CNGB3: variants seen among roughly 807,000 people sequenced by gnomAD.
The protein encoded by CNGB3 is cyclic nucleotide-gated channel beta-3.
In CNGB3, 86 loss-of-function variants were observed where a neutral mutation model predicts 92.8. The ratio of observed to expected loss-of-function variants is 0.93; its 90% confidence interval spans 0.78 to 1.11. The LOEUF is 1.11. CNGB3 is among the 50% of genes least tolerant of loss of function. CNGB3 has a pLI of 0.00. For missense variants in CNGB3, 1,026 were observed against 956.8 expected, an observed-to-expected ratio of 1.07 and a Z score of -0.95; for synonymous variants, 333 against 332.7, an observed-to-expected ratio of 1.00 and a Z score of -0.01.
chr8:86,725,271 T>C (rs1234811248), intron 3 of CNGB3, among the ~76,000 whole-genome samples: 1 of 152,148 alleles, frequency 6.6e-6, no homozygotes, highest in African/African-American at 2.4e-5. Flanking sequence ...TCTTTTGTAG[T>C]CTAATATTAG....
chr8:86,650,407 T>C (rs1823380168), intron 7 of CNGB3, among the ~76,000 whole-genome samples: 1 of 150,596 alleles, frequency 6.6e-6, no homozygotes, highest in South Asian at 2.1e-4. Context: ...AGGAAAAGAG[T>C]CATTATATGA....
chr8:86,652,485 T>C (rs1357595924), intron 7 of CNGB3, among the ~76,000 whole-genome samples: 2 of 152,184 alleles, frequency 1.3e-5, no homozygotes, highest in South Asian at 2.1e-4. Context: ...TTTACTCTTT[T>C]GTAATAACAC....
At chr8:86,631,376 A>C (rs943111933) in intron 11 of CNGB3, among the ~76,000 whole-genome samples, 1 of 152,180 alleles carries the variant, frequency 6.6e-6, no homozygotes, top group Non-Finnish European at 1.5e-5. Context: ...GCACATAGTA[A>C]GTGCTCAATA....
At chr8:86,739,620 G>GTTTTT in intron 2 of CNGB3, 35 bp downstream of exon 2, 112 of 1,488,198 alleles carry the variant, frequency 7.5e-5, no homozygotes, top group South Asian at 3.0e-4. Flanking sequence ...TCACTTTTTA[G>GTTTTT]TTTTTTTTTT....
At chr8:86,659,330 C>A in intron 6 of CNGB3, 1 of 1,167,512 alleles carries the variant, frequency 8.6e-7, no homozygotes, top group Non-Finnish European at 1.3e-6. Context: ...CCTCCATGGC[C>A]TGCTGTAACT....
At chr8:86,581,548 A>G (rs905299992) in intron 15 of CNGB3, among the ~76,000 whole-genome samples, 6 of 152,200 alleles carry the variant, frequency 3.9e-5, no homozygotes, top group African/African-American at 1.4e-4. Flanking sequence ...AGAGAAAAAT[A>G]CTTTACCAGA....
At chr8:86,632,981 T>G in intron 10 of CNGB3, 88 bp from the exon 11 acceptor site, 1 of 1,231,684 alleles carries the variant, frequency 8.1e-7, no homozygotes, top group Non-Finnish European at 1.2e-6. Context: ...TATTAAATTA[T>G]AACAAATTTC....
rs1821731008 is a variant in CNGB3 at position 86,579,935 on chromosome 8, T to C, written c.1782-683A>G. On this transcript the variant is annotated intron_variant, in intron 15 of 17. Transcript: ENST00000320005. ...TAAATTTGAGATGCATTGCCACCTT[T>C]TGTTGGTGTAGTAGTCCATTTTCAC... is the stretch of plus-strand genomic sequence containing the variant. 2.6e-5 allele frequency among the ~76,000 whole-genome samples: 4 copies of C among 152,174 alleles called. No homozygotes were observed. In the South Asian group the frequency reaches 8.3e-4, roughly 32 times the overall value.
chr8:86,688,148 G>A (rs544857096), intron 3 of CNGB3, among the ~76,000 whole-genome samples: 2 of 152,108 alleles, frequency 1.3e-5, no homozygotes, highest in South Asian at 4.1e-4. Flanking sequence ...TGGGAGCTAA[G>A]AGAGGACCAC....
At chr8:86,594,580 C>T in intron 15 of CNGB3, 1 of 288,028 alleles carries the variant, frequency 3.5e-6, no homozygotes, top group South Asian at 3.5e-5. Flanking sequence ...CCACTGTCAC[C>T]TTCACCCTGA....
intron 6 of CNGB3, chr8:86,657,730 C>CCTGCAGCTG: frequency 4.3e-6 from 2 of 467,260 alleles, no homozygotes; most frequent in Admixed American, 5.0e-5. Flanking sequence ...AACACCAGCT[C>CCTGCAGCTG]CTGCAGCTCC....
intron 3 of CNGB3, among the ~76,000 whole-genome samples, chr8:86,722,793 T>A (rs1278656371): frequency 6.6e-6 from 1 of 152,142 alleles, no homozygotes; most frequent in South Asian, 2.1e-4. Flanking sequence ...AAACATTGTT[T>A]CCTTTTGGGT....
Position 86,625,956 on chromosome 8 carries a change from G to A in CNGB3, c.1578+27C>T, listed in dbSNP as rs780186779. On this transcript the variant is annotated intron_variant, in intron 13 of 17. Coordinates refer to ENST00000320005, the MANE Select transcript of CNGB3 (RefSeq NM_019098.5). ...TAGATTCCATAGAGAAATAGATACA[G>A]AGTCTATTAATTGTAAAAGCACTTG... 15 of 1,537,794 alleles carry A rather than the reference G, an allele frequency of 9.8e-6. No homozygotes were observed. In the Admixed American group the frequency reaches 1.2e-4, roughly 12 times the overall value.
At chr8:86,662,474 A>G (rs1204082097) in intron 6 of CNGB3, among the ~76,000 whole-genome samples, 1 of 152,216 alleles carries the variant, frequency 6.6e-6, no homozygotes, top group Non-Finnish European at 1.5e-5. Flanking sequence ...TGTGTGGACA[A>G]CCATTCATTT....
At chr8:86,728,844 G>A (rs928302075) in intron 2 of CNGB3, among the ~76,000 whole-genome samples, 4 of 151,982 alleles carry the variant, frequency 2.6e-5, no homozygotes, top group Non-Finnish European at 5.9e-5. Flanking sequence ...GTAAAAATCA[G>A]AAAAAAATCC....
chr8:86,628,394 G>A (rs1333328151), intron 12 of CNGB3, among the ~76,000 whole-genome samples: 1 of 152,116 alleles, frequency 6.6e-6, no homozygotes, highest in Non-Finnish European at 1.5e-5. Context: ...AAAGTTATAT[G>A]TGGATTTCTG....
At chr8:86,687,182 A>AT (rs946155766) in intron 3 of CNGB3, among the ~76,000 whole-genome samples, 2 of 152,164 alleles carry the variant, frequency 1.3e-5, no homozygotes, top group African/African-American at 4.8e-5. Context: ...TGTTGGGAAT[A>AT]TGAGATGGTT....
At chr8:86,725,914 G>C (rs1011605661) in intron 3 of CNGB3, among the ~76,000 whole-genome samples, 14 of 151,900 alleles carry the variant, frequency 9.2e-5, no homozygotes, top group Admixed American at 3.3e-4. Flanking sequence ...ACCATGCCAA[G>C]AAGAGGCAAA....
chr8:86,713,357 T>G (rs985970791), intron 3 of CNGB3, among the ~76,000 whole-genome samples: 1 of 152,166 alleles, frequency 6.6e-6, no homozygotes, highest in Non-Finnish European at 1.5e-5. Flanking sequence ...CCAGACCAAT[T>G]AAATCAGTAT....
Sources: allele counts gnomAD v4.1 joint callset (sites outside exome capture counted in the v4.1 genomes callset), GRCh38; gene constraint gnomAD v4.1.1; transcripts MANE v1.5; gene names NCBI Gene and HGNC (gene_info 2026-07-23, HGNC 2026-07-21).